PRSS38: variants seen among roughly 807,000 people sequenced by gnomAD.
The protein encoded by PRSS38 is serine protease 38.
Under a neutral mutation model 26.8 loss-of-function variants are expected in PRSS38, and 22 were observed. The ratio of observed to expected loss-of-function variants is 0.82; its 90% CI spans 0.59 to 1.17. The LOEUF is 1.17. Ranked by LOEUF, PRSS38 falls within the 50% of genes most tolerant of loss-of-function variation. PRSS38 has a pLI of 0.00. For missense variants in PRSS38, 427 were observed against 422.7 expected (o/e 1.01, Z -0.09); for synonymous variants, 175 against 172.1 (o/e 1.02, Z -0.13).
chr1:227,817,495 C>T lies in PRSS38; in HGVS notation c.583+15C>T, dbSNP rs1664941018. The T allele has an allele frequency of 3.1e-6, 5 of 1,611,486 alleles. No homozygotes were observed. Among genetic ancestry groups the T allele is most frequent in the Non-Finnish European group, 4.2e-6 (5 of 1,177,988 alleles). On this transcript the variant is annotated intron_variant, in intron 3 of 4. Coordinates refer to ENST00000366757, the Ensembl canonical transcript of PRSS38. ...CTCAAAACAAGGTAGGAATACAGTGCAGGGCTTTGTGGGCAGGATGAAGGC... is the reference window on the plus strand; with the variant it reads ...CTCAAAACAAGGTAGGAATACAGTGTAGGGCTTTGTGGGCAGGATGAAGGC...
At chr1:227,823,150 C>T (rs1665026535) in intron 3 of PRSS38, among the ~76,000 whole-genome samples, 1 of 152,078 alleles carries the variant, frequency 6.6e-6, no homozygotes, top group Admixed American at 6.6e-5. Flanking sequence ...GTGTTGTGAA[C>T]TTTATTTAGC....
chr1:227,833,070 G>C (rs954719752), intron 3 of PRSS38, among the ~76,000 whole-genome samples: 2 of 152,162 alleles, frequency 1.3e-5, no homozygotes, highest in African/African-American at 2.4e-5. Flanking sequence ...TGATGTTCAT[G>C]GATTGGGAGA....
At chr1:227,817,268 G>T (rs1664935088) in exon 3 of PRSS38, 4 of 1,614,142 alleles carry the variant, frequency 2.5e-6, no homozygotes, top group Non-Finnish European at 3.4e-6. Context: ...AGGGTGGCCG[G>T]CAACCACACC....
At chr1:227,837,096 T>C (rs1474254750) in intron 3 of PRSS38, among the ~76,000 whole-genome samples, 4 of 152,166 alleles carry the variant, frequency 2.6e-5, no homozygotes, top group Non-Finnish European at 2.9e-5. Context: ...GCTCAAATGA[T>C]CCTCCTGCCT....
intron 3 of PRSS38, among the ~76,000 whole-genome samples, chr1:227,833,641 G>C (rs372998737): frequency 5.9e-5 from 9 of 152,270 alleles, no homozygotes; most frequent in East Asian, 3.9e-4. Context: ...TAGACCAATG[G>C]AATGGAATTG....
rs752928927 is a variant in PRSS38, at chr1:227,816,978, C to T, written c.312-231C>T. Among the ~76,000 whole-genome samples, 23 of 152,252 alleles carry T rather than the reference C, an allele frequency of 1.5e-4. No homozygotes were observed. The highest frequency in any genetic ancestry group is 3.2e-4 in the Non-Finnish European group (22 of 68,036). ...CACATGCATGGGCTGCTGGCCTGTA[C>T]AGCTGGTGGTCGTGTACAGACTTGG... On this transcript the variant is annotated intron_variant, in intron 2 of 4. Coordinates refer to ENST00000366757, the Ensembl canonical transcript of PRSS38. The surrounding 1 kb of genome is among the most constrained non-coding windows in gnomAD (Gnocchi z 5.1).
At chr1:227,815,937 C>T in intron 1 of PRSS38, 73 bp downstream of exon 1, 1 of 1,529,358 alleles carries the variant, frequency 6.5e-7, no homozygotes, top group Non-Finnish European at 8.9e-7. Flanking sequence ...GCTGGGCCTC[C>T]TCCCCCATGT....
chr1:227,845,532 C>T (rs1450464596), exon 4 of PRSS38: 1 of 1,613,488 alleles, frequency 6.2e-7, no homozygotes, highest in African/African-American at 1.3e-5. Flanking sequence ...CTGGTGCCAC[C>T]TGCTCTACGG....
At chr1:227,837,703 A>G (rs1333945997) in intron 3 of PRSS38, among the ~76,000 whole-genome samples, 1 of 152,302 alleles carries the variant, frequency 6.6e-6, no homozygotes, top group Non-Finnish European at 1.5e-5. Flanking sequence ...CCATTTTTCA[A>G]TCCCGTGAGC....
exon 1 of PRSS38, chr1:227,815,818 C>T (rs564976586): frequency 6.2e-6 from 10 of 1,611,966 alleles, no homozygotes; most frequent in Non-Finnish European, 8.5e-6. Flanking sequence ...CAGCATTGGT[C>T]CACAGACAGC....
chr1:227,846,324 A>G, exon 5 of PRSS38: 1 of 1,329,434 alleles, frequency 7.5e-7, no homozygotes, highest in Non-Finnish European at 1.0e-6. Flanking sequence ...AGGGCCACCT[A>G]TCCCGGGGGT....
chr1:227,816,870 C>T lies in PRSS38; in HGVS notation c.312-339C>T, dbSNP rs1053877051. Among the ~76,000 whole-genome samples the T allele has an allele frequency of 1.3e-5, 2 of 152,246 alleles. No individual in the cohort carries two copies. The highest frequency in any genetic ancestry group is 2.9e-5 in the Non-Finnish European group (2 of 68,036). On this transcript the variant is annotated intron_variant, in intron 2 of 4. Transcript: ENST00000366757. This position sits in a 1 kb window ranked among gnomAD's most constrained non-coding sequence, Gnocchi z 5.1. Reference sequence around the variant, plus strand: ...CCCCATTCACCACAGCTGCCCCGCACAGCAGGCACGCCTCTCCTGTGGCCA... The same window carrying T: ...CCCCATTCACCACAGCTGCCCCGCATAGCAGGCACGCCTCTCCTGTGGCCA...
chr1:227,841,120 G>A (rs1665331614), intron 3 of PRSS38, among the ~76,000 whole-genome samples: 2 of 152,244 alleles, frequency 1.3e-5, no homozygotes, highest in Admixed American at 1.3e-4. Context: ...CTGAGCTCAG[G>A]CAGTTGTGGG....
Position 227,845,521 on chromosome 1 carries a change from C to G in PRSS38, c.635C>G (p.Pro212Arg), listed in dbSNP as rs763487004. The change falls in exon 4 of 5, where the codon CCC becomes CGC. Residue 212 changes from proline (P) to arginine (R), a missense_variant. Pro to Arg is a moderately radical substitution (Grantham distance 103). Transcript: ENST00000366757. ...ATGCAGCTCCCGCTGATCCTGGAGC[C>G]CTGGTGCCACCTGCTCTACGGACAC... 6 of 1,613,320 alleles carry G rather than the reference C, an allele frequency of 3.7e-6. No homozygotes were observed. The Admixed American group carries it at 1.0e-4, about 27-fold the overall frequency.
At position 227,838,910 on chromosome 1, in the gene PRSS38, C is replaced by T. The variant is rs531250345; in HGVS notation, c.584-6560C>T. ...GTTGCCCAGGCCCAGGTCTCGAGCT[C>T]CTGGGCTCAAGTGATCCACCTGCCT... is the stretch of plus-strand genomic sequence containing the variant. On this transcript the variant is annotated intron_variant, in intron 3 of 4. Transcript: ENST00000366757. 6.6e-5 allele frequency among the ~76,000 whole-genome samples: 10 copies of T among 152,228 alleles called. No homozygotes were observed. In the Middle Eastern group the frequency reaches 0.01, roughly 155 times the overall value.
At chr1:227,838,640 G>C (rs994193093) in intron 3 of PRSS38, among the ~76,000 whole-genome samples, 1 of 152,122 alleles carries the variant, frequency 6.6e-6, no homozygotes, top group East Asian at 1.9e-4. Flanking sequence ...TGTTCATTCT[G>C]TCTATTTGTC....
At chr1:227,846,291 T>A (rs1301332343) in exon 5 of PRSS38, 4 of 1,534,398 alleles carry the variant, frequency 2.6e-6, no homozygotes, top group Admixed American at 1.8e-5. Flanking sequence ...GCATCTCCTG[T>A]CCTGGCCTCT....
exon 3 of PRSS38, chr1:227,817,357 G>A: frequency 1.9e-6 from 3 of 1,614,200 alleles, no homozygotes; most frequent in Non-Finnish European, 2.5e-6. Context: ...CGTGGCCCTG[G>A]TGCAGCTGAA....
At chr1:227,841,320 C>A (rs894344676) in intron 3 of PRSS38, among the ~76,000 whole-genome samples, 2 of 152,356 alleles carry the variant, frequency 1.3e-5, no homozygotes, top group African/African-American at 4.8e-5. Context: ...AGCACTTTTC[C>A]AAGCCCCTGC....
Sources: gnomAD v4.1 joint callset for allele counts (sites outside exome capture counted in the v4.1 genomes callset) on GRCh38, gnomAD v4.1.1 for gene constraint, Gnocchi (gnomAD v3.1) non-coding constraint, MANE v1.5 for transcripts, NCBI Gene and HGNC (gene_info 2026-07-23, HGNC 2026-07-21) for gene names.